The following NCOA7 variants were observed in gnomAD, a reference collection of about 807,000 sequenced individuals.
NCOA7 encodes the protein 140 kDa estrogen receptor-associated protein.
A neutral mutation model predicts 104.3 loss-of-function variants in NCOA7; 45 were observed. The observed-to-expected ratio is 0.43, with a 90% CI of 0.34 to 0.55. The LOEUF (loss-of-function observed/expected upper bound fraction) is 0.55, where lower values mean the gene tolerates loss of function less well. Ranked by LOEUF, NCOA7 falls within the 20% of genes least tolerant of loss-of-function variation. The pLI is 0.02. For synonymous variants in NCOA7, 398 were observed against 402.3 expected (o/e 0.99, Z 0.13); for missense variants, 1,041 against 1,119.7 (o/e 0.93, Z 1.00).
chr6:125,816,707 T>C (rs1466129939), intron 2 of NCOA7, among the ~76,000 whole-genome samples: 1 of 152,246 alleles, frequency 6.6e-6, no homozygotes, highest in Admixed American at 6.5e-5. Flanking sequence ...TAAGGAGTAA[T>C]AGATACCCTG....
intron 1 of NCOA7, among the ~76,000 whole-genome samples, chr6:125,800,171 G>C (rs937208113): frequency 6.6e-6 from 1 of 152,156 alleles, no homozygotes; most frequent in Non-Finnish European, 1.5e-5. Flanking sequence ...AGACAATTTT[G>C]TGAATCTGTC....
At chr6:125,887,983 C>T (rs1450602994) in intron 8 of NCOA7, among the ~76,000 whole-genome samples, 1 of 152,084 alleles carries the variant, frequency 6.6e-6, no homozygotes, top group Non-Finnish European at 1.5e-5. Flanking sequence ...AGGTTTGTTA[C>T]ATAGGTGCAT....
At chr6:125,901,678 G>A (rs1248126159) in intron 10 of NCOA7, among the ~76,000 whole-genome samples, 1 of 152,206 alleles carries the variant, frequency 6.6e-6, no homozygotes, top group Non-Finnish European at 1.5e-5. Context: ...TGCCATCCAT[G>A]GATGACTAAG....
chr6:125,837,849 G>T (rs1229374269), intron 2 of NCOA7, among the ~76,000 whole-genome samples: 1 of 152,144 alleles, frequency 6.6e-6, no homozygotes, highest in South Asian at 2.1e-4. Context: ...CCAGACCAGG[G>T]AACATATAAA....
At chr6:125,844,621 A>G (rs1780441021) in intron 2 of NCOA7, among the ~76,000 whole-genome samples, 1 of 152,246 alleles carries the variant, frequency 6.6e-6, no homozygotes, top group Admixed American at 6.5e-5. Context: ...ATGAAATGAC[A>G]AAATGAAATG....
chr6:125,888,797 C>A, intron 8 of NCOA7, 142 bp from the exon 9 acceptor site: 1 of 523,822 alleles, frequency 1.9e-6, no homozygotes, highest in East Asian at 3.0e-5. Context: ...ATTCTGAAAT[C>A]ATTTGAACAT....
intron 3 of NCOA7, among the ~76,000 whole-genome samples, chr6:125,873,858 A>G (rs1016156564): frequency 2.0e-5 from 3 of 152,220 alleles, no homozygotes; most frequent in African/African-American, 7.2e-5. Flanking sequence ...TACAGGTTGG[A>G]GCATCTTTTC....
intron 6 of NCOA7, 23 bp from the exon 7 acceptor site, chr6:125,882,403 T>C (rs1422142994): frequency 6.2e-7 from 1 of 1,608,384 alleles, no homozygotes; most frequent in Admixed American, 1.7e-5. Context: ...TTATTTGATT[T>C]TGAAATTTTT....
chr6:125,914,987 T>C (rs1235951296), intron 10 of NCOA7, among the ~76,000 whole-genome samples: 1 of 152,220 alleles, frequency 6.6e-6, no homozygotes. Flanking sequence ...ATCTACATTT[T>C]TTTCCTCAAT....
At chr6:125,801,952 G>A (rs1014895707) in intron 1 of NCOA7, among the ~76,000 whole-genome samples, 7 of 152,084 alleles carry the variant, frequency 4.6e-5, no homozygotes, top group Non-Finnish European at 7.4e-5. Flanking sequence ...CAACCATTAC[G>A]TATAGATATA....
At position 125,878,428 on chromosome 6, in the gene NCOA7, G is replaced by A. The variant is rs1037738123; in HGVS notation, c.459+58G>A. 160 of 1,174,218 alleles carry A rather than the reference G, an allele frequency of 1.4e-4. 1 individual carries two copies. The highest frequency in any genetic ancestry group is 6.7e-4 in the African/African-American group (43 of 64,168). 72.7% of individuals were successfully genotyped at this position (1,174,218 alleles called of 1,614,324 possible). A position where few individuals can be genotyped will look rare whatever the true frequency, so the allele number is the denominator to read the frequency against. ...AATTCTGCATTTATCTTTTATTGCC[G>A]TTTTCAGTGCCTCACTATTGTTTGT... On this transcript the variant is annotated intron_variant, in intron 5 of 15. Transcript: ENST00000392477.
At chr6:125,928,519 C>T in intron 15 of NCOA7, 117 bp from the exon 16 acceptor site, 1 of 1,142,470 alleles carries the variant, frequency 8.8e-7, no homozygotes, top group Admixed American at 2.4e-5. Flanking sequence ...GTTTTATAAG[C>T]AGTTTAGAAT....
intron 10 of NCOA7, among the ~76,000 whole-genome samples, chr6:125,914,044 G>A (rs1049847337): frequency 7.2e-5 from 11 of 152,196 alleles, no homozygotes; most frequent in Non-Finnish European, 1.3e-4. Flanking sequence ...GAGCCATTAG[G>A]CAGGATGAAT....
At chr6:125,875,072 C>T (rs1320124602) in intron 4 of NCOA7, 104 bp downstream of exon 4, 6 of 779,378 alleles carry the variant, frequency 7.7e-6, no homozygotes, top group Non-Finnish European at 1.3e-5. Context: ...TCTTGTGTAC[C>T]CATTAAACAA....
chr6:125,900,495 C>G (rs1785407345), intron 10 of NCOA7, among the ~76,000 whole-genome samples: 1 of 152,174 alleles, frequency 6.6e-6, no homozygotes, highest in Non-Finnish European at 1.5e-5. Flanking sequence ...ATTTTTCTTT[C>G]CAGCTTTATT....
In NCOA7 at chr6:125,929,448, C is replaced by T. The variant is rs1192628018; in HGVS notation, c.*677C>T. On this transcript the variant is annotated 3_prime_UTR_variant, in exon 16 of 16. Transcript: ENST00000392477. Reference sequence around the variant, plus strand: ...ATTGTTTAGGGTGATAGGTCTTAAGCAGCATATATCTATATATCTGTATGT... The same window carrying T: ...ATTGTTTAGGGTGATAGGTCTTAAGTAGCATATATCTATATATCTGTATGT... 1 of 107,544 alleles carries T rather than the reference C, an allele frequency of 9.3e-6. No homozygotes were observed. The highest frequency in any genetic ancestry group is 1.9e-5 in the Non-Finnish European group (1 of 51,312). The allele number at this position is 107,544 out of a possible 1,614,324, so 6.7% of individuals were successfully genotyped here.
At chr6:125,926,931 G>A (rs1467743272) in intron 13 of NCOA7, among the ~76,000 whole-genome samples, 1 of 152,286 alleles carries the variant, frequency 6.6e-6, no homozygotes, top group East Asian at 1.9e-4. Flanking sequence ...GGCAGTGGGC[G>A]TACACATTCT....
At chr6:125,795,554 G>A (rs1449637954) in intron 1 of NCOA7, among the ~76,000 whole-genome samples, 1 of 152,156 alleles carries the variant, frequency 6.6e-6, no homozygotes, top group African/African-American at 2.4e-5. Context: ...ACCTGTCTCT[G>A]ATTCACTCTG....
At chr6:125,907,340 G>T (rs1295690554) in intron 10 of NCOA7, among the ~76,000 whole-genome samples, 1 of 152,152 alleles carries the variant, frequency 6.6e-6, no homozygotes, top group African/African-American at 2.4e-5. Context: ...TCTAGTGACT[G>T]CAGAGACAGA....
Sources: allele counts gnomAD v4.1 joint callset (sites outside exome capture counted in the v4.1 genomes callset), GRCh38; gene constraint gnomAD v4.1.1; transcripts MANE v1.5; gene names NCBI Gene and HGNC (gene_info 2026-07-23, HGNC 2026-07-21).